Variants in TPMT observed in about 807,000 individuals in gnomAD.
The protein encoded by TPMT is S-adenosyl-L-methionine:thiopurine S-methyltransferase.
A neutral mutation model predicts 34.2 loss-of-function variants in TPMT; 18 were observed. The observed-to-expected ratio is 0.53, with a 90% CI of 0.36 to 0.78. The LOEUF (loss-of-function observed/expected upper bound fraction) is 0.78, where lower values mean the gene tolerates loss of function less well. TPMT is among the 30% of genes least tolerant of loss of function. The pLI is 0.00. For synonymous variants in TPMT, 69 were observed against 92.4 expected (o/e 0.75, Z 1.45); for missense variants, 265 against 288.1 (o/e 0.92, Z 0.58).
rs1784047981 is a variant in TPMT at position 18,136,754 on chromosome 6, G to A, written c.494+2209C>T. On this transcript the variant is annotated intron_variant, in intron 6 of 8. Transcript: ENST00000309983. The surrounding 1 kb of genome is among the most constrained non-coding windows in gnomAD (Gnocchi z 4.7). ...GAACCTGGCAGGCAGAGGTTGCGGT[G>A]AGCCGAGATAGTGCCATTGCACTCC... Among the ~76,000 whole-genome samples, 1 of 152,206 alleles carries A rather than the reference G, an allele frequency of 6.6e-6. No homozygotes were observed. Among genetic ancestry groups the A allele is most frequent in the Admixed American group, 6.5e-5 (1 of 15,286 alleles).
Position 18,140,920 on chromosome 6 carries a change from G to C in TPMT, c.367-1203C>G, listed in dbSNP as rs1029489794. ...ACTGCTAGATTTTATTCTGAAATGA[G>C]GTCCCCACACAGGTTTACAAGTAGA... On this transcript the variant is annotated intron_variant, in intron 4 of 8. Transcript: ENST00000309983. The surrounding 1 kb of genome is among the most constrained non-coding windows in gnomAD (Gnocchi z 4.7). Among the ~76,000 whole-genome samples, 1 of 151,998 alleles carries C rather than the reference G, an allele frequency of 6.6e-6. No individual in the cohort carries two copies. Among genetic ancestry groups the C allele is most frequent in the Non-Finnish European group, 1.5e-5 (1 of 68,018 alleles).
rs1052092072 is a variant in TPMT at position 18,132,810 on chromosome 6, C to G, written c.581-633G>C. Among the ~76,000 whole-genome samples the G allele has an allele frequency of 1.3e-5, 2 of 151,690 alleles. No homozygotes were observed. Among genetic ancestry groups the G allele is most frequent in the Non-Finnish European group, 2.9e-5 (2 of 67,938 alleles). On this transcript the variant is annotated intron_variant, in intron 7 of 8. Transcript: ENST00000309983. The surrounding 1 kb of genome is among the most constrained non-coding windows in gnomAD (Gnocchi z 4.8). ...AATTTATTCAAGCAGAAACAAAATA[C>G]TAGCTGGGAACGGTGGCTCACGCCT...
Position 18,150,753 on chromosome 6 carries a change from T to C in TPMT, c.-44-1582A>G, listed in dbSNP as rs1464892571. On this transcript the variant is annotated intron_variant, in intron 1 of 8. Coordinates refer to ENST00000309983, the MANE Select transcript of TPMT (RefSeq NM_000367.5). The surrounding 1 kb of genome is among the most constrained non-coding windows in gnomAD (Gnocchi z 5.3). ...CCTTGATGCATAGCTCTGCTGGGTA[T>C]CAAATTCTTGGTTAGAAGTGTGGGG... 1.3e-5 allele frequency among the ~76,000 whole-genome samples: 2 copies of C among 152,330 alleles called. No individual in the cohort carries two copies. The highest frequency in any genetic ancestry group is 1.9e-4 in the East Asian group (1 of 5,192).
Position 18,145,579 on chromosome 6 carries a change from A to G in TPMT, c.234-1851T>C, listed in dbSNP as rs1784233933. 2.0e-5 allele frequency among the ~76,000 whole-genome samples: 3 copies of G among 152,216 alleles called. No individual in the cohort carries two copies. The highest frequency in any genetic ancestry group is 6.5e-5 in the Admixed American group (1 of 15,280). On this transcript the variant is annotated intron_variant, in intron 3 of 8. Coordinates refer to ENST00000309983, the MANE Select transcript of TPMT (RefSeq NM_000367.5). This position sits in a 1 kb window ranked among gnomAD's most constrained non-coding sequence, Gnocchi z 5.6. ...GGACTGACTGTACCTTTTATCTACAAAAGAGTACGTACTTTCAATGTGGGC... is the reference window on the plus strand; with the variant it reads ...GGACTGACTGTACCTTTTATCTACAGAAGAGTACGTACTTTCAATGTGGGC...
chr6:18,146,818 G>C lies in TPMT; in HGVS notation c.233+1005C>G, dbSNP rs1381683661. Among the ~76,000 whole-genome samples, 1 of 152,098 alleles carries C rather than the reference G, an allele frequency of 6.6e-6. No individual in the cohort carries two copies. The highest frequency in any genetic ancestry group is 1.5e-5 in the Non-Finnish European group (1 of 68,028). On this transcript the variant is annotated intron_variant, in intron 3 of 8. Transcript: ENST00000309983. This position sits in a 1 kb window ranked among gnomAD's most constrained non-coding sequence, Gnocchi z 6.2. ...AAAGGCTCTCAGCTACAGTTGATTG[G>C]TTGCTGGCTGCAAAAATTCTATCAT...
chr6:18,144,598 C>T lies in TPMT; in HGVS notation c.234-870G>A, dbSNP rs145145461. Among the ~76,000 whole-genome samples, 620 of 151,812 alleles carry T rather than the reference C, an allele frequency of 4.1e-3. 7 individuals carry two copies. Among genetic ancestry groups the T allele is most frequent in the African/African-American group, 0.014 (572 of 41,378 alleles). On this transcript the variant is annotated intron_variant, in intron 3 of 8. Coordinates refer to ENST00000309983, the MANE Select transcript of TPMT (RefSeq NM_000367.5). ...TTCACCATGTTGGCCAGGCTGGTCTCGAGCTCCCGAACTCAGGTGATCCAC... is the reference window on the plus strand; with the variant it reads ...TTCACCATGTTGGCCAGGCTGGTCTTGAGCTCCCGAACTCAGGTGATCCAC...
rs1487572042 is a variant in TPMT, at chr6:18,148,610, T to A, written c.140+378A>T. Among the ~76,000 whole-genome samples, 1 of 152,196 alleles carries A rather than the reference T, an allele frequency of 6.6e-6. No homozygotes were observed. Among genetic ancestry groups the A allele is most frequent in the Non-Finnish European group, 1.5e-5 (1 of 68,034 alleles). The stretch of plus-strand genomic sequence containing the variant: ...GATAATTCTTTAACATCTGAACACA[T>A]CCTATTGGAAAGCAAAGTCAGACAC... On this transcript the variant is annotated intron_variant, in intron 2 of 8. Coordinates refer to ENST00000309983, the MANE Select transcript of TPMT (RefSeq NM_000367.5). This position sits in a 1 kb window ranked among gnomAD's most constrained non-coding sequence, Gnocchi z 4.1.
In TPMT at chr6:18,130,495, T is replaced by A; in HGVS notation, c.*173A>T. The A allele has an allele frequency of 1.7e-6, 1 of 572,098 alleles. No individual in the cohort carries two copies. The highest frequency in any genetic ancestry group is 3.1e-5 in the East Asian group (1 of 32,748). 35.4% of individuals were successfully genotyped at this position (572,098 alleles called of 1,614,324 possible). On this transcript the variant is annotated 3_prime_UTR_variant, in exon 9 of 9. Coordinates refer to ENST00000309983, the MANE Select transcript of TPMT (RefSeq NM_000367.5). The surrounding 1 kb of genome is among the most constrained non-coding windows in gnomAD (Gnocchi z 4.2). Reference sequence around the variant, plus strand: ...AAAGTTTAGTTACATCTTTTTCTTCTAAAACTTTTTTAGAAAAAGTAAATG... The same window carrying A: ...AAAGTTTAGTTACATCTTTTTCTTCAAAAACTTTTTTAGAAAAAGTAAATG...
At chr6:18,144,323 A>G (rs1200643104) in intron 3 of TPMT, among the ~76,000 whole-genome samples, 1 of 152,208 alleles carries the variant, frequency 6.6e-6, no homozygotes, top group African/African-American at 2.4e-5. Flanking sequence ...CACTATCCAA[A>G]AATTTGTATA....
intron 3 of TPMT, among the ~76,000 whole-genome samples, chr6:18,144,813 C>T (rs528498119): frequency 2.6e-5 from 4 of 151,072 alleles, no homozygotes; most frequent in South Asian, 2.1e-4. Flanking sequence ...CTCCACCTCC[C>T]GAGTTCAACC....
At position 18,139,098 on chromosome 6, in the gene TPMT, G is replaced by T. The variant is rs1784094104; in HGVS notation, c.420-61C>A. 3 of 1,427,052 alleles carry T rather than the reference G, an allele frequency of 2.1e-6. No individual in the cohort carries two copies. In the East Asian group the frequency reaches 6.8e-5, roughly 32 times the overall value. The allele number at this position is 1,427,052 out of a possible 1,614,324, so 88.4% of individuals were successfully genotyped here. A position where few individuals can be genotyped will look rare whatever the true frequency, so the allele number is the denominator to read the frequency against. On this transcript the variant is annotated intron_variant, in intron 5 of 8. Transcript: ENST00000309983. This position sits in a 1 kb window ranked among gnomAD's most constrained non-coding sequence, Gnocchi z 4.2. The stretch of plus-strand genomic sequence containing the variant: ...AATCAAATCTTTAAGAAGATGAGCA[G>T]CGTCCCCCATGGTGCATGCTGGTAC...
At position 18,130,893 on chromosome 6, in the gene TPMT, C is replaced by G; in HGVS notation, c.626-113G>C. 1.3e-6 allele frequency: 1 copy of G among 784,026 alleles called. No individual in the cohort carries two copies. The highest frequency in any genetic ancestry group is 2.2e-6 in the Non-Finnish European group (1 of 459,782). 48.6% of individuals were successfully genotyped at this position (784,026 alleles called of 1,614,324 possible). On this transcript the variant is annotated intron_variant, in intron 8 of 8. Coordinates refer to ENST00000309983, the MANE Select transcript of TPMT (RefSeq NM_000367.5). The surrounding 1 kb of genome is among the most constrained non-coding windows in gnomAD (Gnocchi z 4.2). ...GTGGCTCACACCTGTAATCCCAACA[C>G]TTTGGGAGGCCGAGGCAGGTGGATC...
In TPMT at chr6:18,148,896, AAGTT is replaced by A. The variant is rs1784297271; in HGVS notation, c.140+88_140+91del. On this transcript the variant is annotated intron_variant, in intron 2 of 8. Coordinates refer to ENST00000309983, the MANE Select transcript of TPMT (RefSeq NM_000367.5). The surrounding 1 kb of genome is among the most constrained non-coding windows in gnomAD (Gnocchi z 4.1). Reference sequence around the variant, plus strand: ...GTGAAGAATTAAATGTGCATCCTAAAAGTTAGTCAAATAATGTGTACTTTTATTA... The same window carrying A: ...GTGAAGAATTAAATGTGCATCCTAAAAGTCAAATAATGTGTACTTTTATTA... 1.1e-5 allele frequency: 17 copies of A among 1,583,158 alleles called. No individual in the cohort carries two copies. The highest frequency in any genetic ancestry group is 8.9e-5 in the East Asian group (4 of 44,708).
chr6:18,149,816 G>C lies in TPMT; in HGVS notation c.-44-645C>G, dbSNP rs1784319436. Among the ~76,000 whole-genome samples, 1 of 152,086 alleles carries C rather than the reference G, an allele frequency of 6.6e-6. No individual in the cohort carries two copies. The highest frequency in any genetic ancestry group is 6.6e-5 in the Admixed American group (1 of 15,256). On this transcript the variant is annotated intron_variant, in intron 1 of 8. Transcript: ENST00000309983. This position sits in a 1 kb window ranked among gnomAD's most constrained non-coding sequence, Gnocchi z 5.0. ...ACAAAAAATTACTTTCAGTGCGTCT[G>C]GTGGTAGAATAATACCCCTTAATAC...
rs1783886320 is a variant in TPMT, at chr6:18,129,133, T to C, written c.*1535A>G. 6.6e-6 allele frequency: 1 copy of C among 152,180 alleles called. No individual in the cohort carries two copies. The highest frequency in any genetic ancestry group is 2.4e-5 in the African/African-American group (1 of 41,440). The allele number at this position is 152,180 out of a possible 1,614,324, so 9.4% of individuals were successfully genotyped here. On this transcript the variant is annotated 3_prime_UTR_variant, in exon 9 of 9. Transcript: ENST00000309983. ...TTGTGTTGGTCCAGCTCGGGTTAGTTGTCCATTCAACCGGTGATACAGGCA... is the reference window on the plus strand; with the variant it reads ...TTGTGTTGGTCCAGCTCGGGTTAGTCGTCCATTCAACCGGTGATACAGGCA...
In TPMT at chr6:18,148,939, G is replaced by T; in HGVS notation, c.140+49C>A. The T allele has an allele frequency of 6.2e-7, 1 of 1,611,250 alleles. No homozygotes were observed. Among genetic ancestry groups the T allele is most frequent in the Non-Finnish European group, 8.5e-7 (1 of 1,179,240 alleles). ...GTACTTTTATTATTTCTATCTCAAA[G>T]TCACTTTTTGATAGAACATTTCTCT... On this transcript the variant is annotated intron_variant, in intron 2 of 8. Coordinates refer to ENST00000309983, the MANE Select transcript of TPMT (RefSeq NM_000367.5). The surrounding 1 kb of genome is among the most constrained non-coding windows in gnomAD (Gnocchi z 4.1).
Position 18,145,713 on chromosome 6 carries a change from T to A in TPMT, c.234-1985A>T, listed in dbSNP as rs747437212. The stretch of plus-strand genomic sequence containing the variant: ...AGGGAGTTTAAAAATTCTCCCTACA[T>A]TTTTTAAGTTATAAAATGTAAACAA... On this transcript the variant is annotated intron_variant, in intron 3 of 8. Transcript: ENST00000309983. The surrounding 1 kb of genome is among the most constrained non-coding windows in gnomAD (Gnocchi z 5.6). Among the ~76,000 whole-genome samples, 16 of 152,246 alleles carry A rather than the reference T, an allele frequency of 1.1e-4. No homozygotes were observed. The highest frequency in any genetic ancestry group is 2.2e-4 in the Non-Finnish European group (15 of 68,034).
Position 18,135,388 on chromosome 6 carries a change from C to T in TPMT, c.495-1499G>A, listed in dbSNP as rs1292221025. On this transcript the variant is annotated intron_variant, in intron 6 of 8. Coordinates refer to ENST00000309983, the MANE Select transcript of TPMT (RefSeq NM_000367.5). The surrounding 1 kb of genome is among the most constrained non-coding windows in gnomAD (Gnocchi z 5.0). ...AAAAGTCCAGAAAAATGAGGTCTGC[C>T]CTACTGGTTTACATTAGGCAAGAAC... is the stretch of plus-strand genomic sequence containing the variant. 6.6e-6 allele frequency among the ~76,000 whole-genome samples: 1 copy of T among 152,064 alleles called. No individual in the cohort carries two copies. The highest frequency in any genetic ancestry group is 6.6e-5 in the Admixed American group (1 of 15,256).
chr6:18,143,687 C>T lies in TPMT; in HGVS notation c.275G>A (p.Ser92Asn). Residue 92 changes from serine (S) to asparagine (N), a missense_variant, in exon 4 of 9, where the codon AGT (serine) becomes AAT (asparagine). Transcript: ENST00000309983. This position sits in a 1 kb window ranked among gnomAD's most constrained non-coding sequence, Gnocchi z 6.1. The stretch of plus-strand genomic sequence containing the variant: ...AAAAAATTCTTGTATCCCAAGTTCA[C>T]TGATTTCCACACCAACTACACTGTG... ...RGHSVVGVEI[S>N]ELGIQEFFTE... is the part of the protein sequence containing the mutation. 1 of 1,614,104 alleles carries T rather than the reference C, an allele frequency of 6.2e-7. No homozygotes were observed. The highest frequency in any genetic ancestry group is 8.5e-7 in the Non-Finnish European group (1 of 1,180,012).
Sources: allele counts gnomAD v4.1 joint callset (sites outside exome capture counted in the v4.1 genomes callset), GRCh38; gene constraint gnomAD v4.1.1; non-coding constraint Gnocchi (gnomAD v3.1); transcripts MANE v1.5; gene names NCBI Gene and HGNC (gene_info 2026-07-23, HGNC 2026-07-21).